NLGN4X: variants seen among roughly 807,000 people sequenced by gnomAD.
The protein encoded by NLGN4X is neuroligin 4 X-linked.
A neutral mutation model predicts 40.3 loss-of-function variants in NLGN4X; 3 were observed. That is an observed-to-expected ratio of 0.07 (90% CI 0.03 to 0.19). NLGN4X has a LOEUF of 0.19. Ranked by LOEUF, NLGN4X falls within the 10% of genes least tolerant of loss-of-function variation. NLGN4X has a pLI of 1.00. For synonymous variants in NLGN4X, 270 were observed against 306.8 expected, an observed-to-expected ratio of 0.88 and a Z score of 1.25; for missense variants, 382 against 708.3, an observed-to-expected ratio of 0.54 and a Z score of 5.23.
intron 2 of NLGN4X, among the ~76,000 whole-genome samples, chrX:6,041,516 T>G (rs1310715076): frequency 8.9e-6 from 1 of 112,061 alleles, no homozygotes; most frequent in African/African-American, 3.2e-5. Flanking sequence ...CTGATCAGCT[T>G]AAATTCCATT....
chrX:6,210,830 G>A (rs1356008752), intron 1 of NLGN4X, among the ~76,000 whole-genome samples: 1 of 112,359 alleles, frequency 8.9e-6, no homozygotes, highest in Non-Finnish European at 1.9e-5. Flanking sequence ...GACCTTGCGT[G>A]AGTTACAAAA....
chrX:6,228,155 A>G (rs1926552941), intron 1 of NLGN4X, among the ~76,000 whole-genome samples: 1 of 111,718 alleles, frequency 9.0e-6, no homozygotes, highest in African/African-American at 3.3e-5. Context: ...AGGCAGCGCT[A>G]CTTTGTAAAC....
At chrX:5,911,853 G>A (rs749176282) in intron 3 of NLGN4X, among the ~76,000 whole-genome samples, 15 of 111,648 alleles carry the variant, frequency 1.3e-4, no homozygotes, top group Non-Finnish European at 2.4e-4. Flanking sequence ...TCCTGGGCAC[G>A]GGCCAAGCTA....
chrX:5,953,313 C>G (rs1601943016), intron 3 of NLGN4X, among the ~76,000 whole-genome samples: 1 of 110,630 alleles, frequency 9.0e-6, no homozygotes, highest in Non-Finnish European at 1.9e-5. Context: ...GAGATTGAGG[C>G]GGCAGTGAGC....
chrX:6,186,125 G>A (rs1417064912), intron 1 of NLGN4X, among the ~76,000 whole-genome samples: 1 of 112,170 alleles, frequency 8.9e-6, no homozygotes, highest in Non-Finnish European at 1.9e-5. Flanking sequence ...TAACTCATAG[G>A]CCCAAGATGA....
At chrX:6,092,421 G>A (rs1261307140) in intron 2 of NLGN4X, among the ~76,000 whole-genome samples, 1 of 111,965 alleles carries the variant, frequency 8.9e-6, no homozygotes, top group African/African-American at 3.2e-5. Context: ...CCAGTAAGGT[G>A]GAGAATTTGG....
rs908877934 is a variant in NLGN4X, at chrX:5,891,023, C to T, written c.*1794G>A. The T allele has an allele frequency of 2.3e-5, 7 of 301,088 alleles. No individual in the cohort carries two copies. The highest frequency in any genetic ancestry group is 1.9e-4 in the African/African-American group (7 of 36,382). The allele number at this position is 301,088 out of a possible 1,213,427, so 24.8% of individuals were successfully genotyped here. A position where few individuals can be genotyped will look rare whatever the true frequency, so the allele number is the denominator to read the frequency against. ...AATAACCCACAATGGAGCCGAGGAA[C>T]ATGATCTTCAAATATCTTTGGCTAC... On this transcript the variant is annotated 3_prime_UTR_variant, in exon 6 of 6. Coordinates refer to ENST00000381095, the MANE Select transcript of NLGN4X (RefSeq NM_181332.3).
At chrX:6,109,235 C>T (rs1429443901) in intron 2 of NLGN4X, among the ~76,000 whole-genome samples, 1 of 111,741 alleles carries the variant, frequency 8.9e-6, no homozygotes, top group East Asian at 2.8e-4. Flanking sequence ...CACTGCACTC[C>T]AGCCTGGGTT....
intron 3 of NLGN4X, among the ~76,000 whole-genome samples, chrX:5,932,974 GAAA>G (rs1051719975): frequency 3.6e-5 from 4 of 111,135 alleles, no homozygotes; most frequent in Non-Finnish European, 7.5e-5. Flanking sequence ...CCTTCAGAGA[GAAA>G]AATGGGTGAG....
At chrX:6,078,698 C>A (rs917488427) in intron 2 of NLGN4X, among the ~76,000 whole-genome samples, 8 of 96,639 alleles carry the variant, frequency 8.3e-5, no homozygotes, top group Non-Finnish European at 1.5e-4. Flanking sequence ...CTTTTAAATT[C>A]TATTAAAACC....
intron 3 of NLGN4X, among the ~76,000 whole-genome samples, chrX:5,996,839 C>T (rs947803509): frequency 5.4e-5 from 6 of 110,753 alleles, no homozygotes; most frequent in African/African-American, 1.6e-4. Flanking sequence ...TCAAGTGATC[C>T]GCCGGCCTCG....
chrX:6,051,094 A>G (rs2037480586), intron 2 of NLGN4X, among the ~76,000 whole-genome samples: 1 of 111,714 alleles, frequency 9.0e-6, no homozygotes, highest in Admixed American at 9.6e-5. Context: ...AGAATCTCAG[A>G]ATGTGTTCCT....
At chrX:6,178,174 A>G (rs1187950884) in intron 1 of NLGN4X, among the ~76,000 whole-genome samples, 2 of 112,215 alleles carry the variant, frequency 1.8e-5, no homozygotes, top group Non-Finnish European at 3.8e-5. Flanking sequence ...CAGACCACCT[A>G]ATATAAAATG....
intron 1 of NLGN4X, among the ~76,000 whole-genome samples, chrX:6,227,420 C>G (rs1926476368): frequency 9.2e-6 from 1 of 108,804 alleles, no homozygotes; most frequent in East Asian, 2.9e-4. Flanking sequence ...ACCAGGGCTC[C>G]GGTAGTCTGT....
chrX:5,967,139 G>A (rs1182140936), intron 3 of NLGN4X, among the ~76,000 whole-genome samples: 3 of 111,240 alleles, frequency 2.7e-5, no homozygotes, highest in African/African-American at 9.8e-5. Context: ...ATTTTATCAT[G>A]GGGGGAAGAG....
intron 1 of NLGN4X, among the ~76,000 whole-genome samples, chrX:6,223,994 G>T (rs887216902): frequency 8.9e-6 from 1 of 112,813 alleles, no homozygotes; most frequent in Non-Finnish European, 1.9e-5. Flanking sequence ...TTAAAAGGCA[G>T]AAAGCAGTAC....
chrX:6,004,024 G>A, intron 3 of NLGN4X, among the ~76,000 whole-genome samples: 1 of 112,663 alleles, frequency 8.9e-6, no homozygotes, highest in Admixed American at 9.3e-5. Context: ...GAAGCAGCCG[G>A]CTAGTTCCAG....
intron 1 of NLGN4X, among the ~76,000 whole-genome samples, chrX:6,220,675 T>C (rs1373487871): frequency 9.2e-6 from 1 of 109,186 alleles, no homozygotes; most frequent in African/African-American, 3.3e-5. Flanking sequence ...TGTTAACGAA[T>C]GTCTTCACTC....
At chrX:6,118,376 C>G (rs1230647246) in intron 2 of NLGN4X, among the ~76,000 whole-genome samples, 1 of 111,390 alleles carries the variant, frequency 9.0e-6, no homozygotes, top group Non-Finnish European at 1.9e-5. Flanking sequence ...CAAAAGCAGT[C>G]TCCTAATTCC....
Sources: allele counts gnomAD v4.1 joint callset (sites outside exome capture counted in the v4.1 genomes callset), GRCh38; gene constraint gnomAD v4.1.1; transcripts MANE v1.5; gene names NCBI Gene and HGNC (gene_info 2026-07-23, HGNC 2026-07-21).